ST6GALNAC6: variants seen among roughly 807,000 people sequenced by gnomAD.
ST6GALNAC6 encodes alpha-N-acetylgalactosaminide alpha-2,6-sialyltransferase 6.
ST6GALNAC6 carries 19 observed loss-of-function variants against 34.3 expected under a neutral mutation model. The ratio of observed to expected loss-of-function variants is 0.55; its 90% CI spans 0.39 to 0.81. ST6GALNAC6 has a LOEUF of 0.81. Among genes scored for constraint, ST6GALNAC6 ranks in the 40% least tolerant of loss-of-function variants. The pLI is 0.00. For synonymous variants in ST6GALNAC6, 185 were observed against 182.1 expected, an observed-to-expected ratio of 1.02 and a Z score of -0.13; for missense variants, 377 against 467.7, an observed-to-expected ratio of 0.81 and a Z score of 1.79.
exon 1 of ST6GALNAC6, chr9:127,905,251 TCA>T: frequency 1.0e-6 from 1 of 985,520 alleles, no homozygotes; most frequent in Non-Finnish European, 1.2e-6. Context: ...CAGAGAGTCT[TCA>T]GTTTCCTGAT....
intron 4 of ST6GALNAC6, among the ~76,000 whole-genome samples, chr9:127,892,116 A>G (rs1312863377): frequency 6.6e-6 from 1 of 152,166 alleles, no homozygotes; most frequent in African/African-American, 2.4e-5. Context: ...GAGCCATTGC[A>G]CTCCAGCCTG....
chr9:127,897,754 A>G lies in ST6GALNAC6; in HGVS notation c.26+202T>C. On this transcript the variant is annotated intron_variant, in intron 2 of 6. Coordinates refer to ENST00000373146, the MANE Select transcript of ST6GALNAC6 (RefSeq NM_013443.5). Reference sequence around the variant, plus strand: ...TGGCATTCAAGGCGCCCAGGGGTCCAGCCGCCTATATCTTACTACGCGTGG... The same window carrying G: ...TGGCATTCAAGGCGCCCAGGGGTCCGGCCGCCTATATCTTACTACGCGTGG... 3.8e-6 allele frequency: 5 copies of G among 1,314,016 alleles called. No homozygotes were observed. The South Asian group carries it at 7.8e-5, about 20-fold the overall frequency. The allele number at this position is 1,314,016 out of a possible 1,614,324, so 81.4% of individuals were successfully genotyped here.
At chr9:127,888,228 G>A (rs1002559173) in intron 5 of ST6GALNAC6, among the ~76,000 whole-genome samples, 1 of 152,236 alleles carries the variant, frequency 6.6e-6, no homozygotes, top group African/African-American at 2.4e-5. Context: ...ACTTAGCCAG[G>A]TGCAGTGGCT....
intron 4 of ST6GALNAC6, 105 bp from the exon 5 acceptor site, chr9:127,891,148 G>C (rs1179603941): frequency 4.4e-6 from 6 of 1,352,896 alleles, no homozygotes; most frequent in East Asian, 4.9e-5. Flanking sequence ...CCATTTTAAA[G>C]ACAGGGAAAC....
At position 127,886,505 on chromosome 9, in the gene ST6GALNAC6, A is replaced by C; in HGVS notation, c.*94T>G. The C allele has an allele frequency of 6.5e-7, 1 of 1,537,804 alleles. No homozygotes were observed. The highest frequency in any genetic ancestry group is 8.8e-7 in the Non-Finnish European group (1 of 1,142,184). On this transcript the variant is annotated 3_prime_UTR_variant, in exon 7 of 7. Transcript: ENST00000373146. ...CTGATTGGCTGGGAGACACTCCAGC[A>C]AGCCTTGATTGGCCAGAAGATGGTC...
At chr9:127,892,076 C>T (rs531352560) in intron 4 of ST6GALNAC6, among the ~76,000 whole-genome samples, 8 of 152,126 alleles carry the variant, frequency 5.3e-5, no homozygotes, top group South Asian at 2.1e-4. Flanking sequence ...GCTTGAACCC[C>T]GGAGGCAGAT....
upstream of ST6GALNAC6, among the ~76,000 whole-genome samples, chr9:127,906,564 G>A (rs529378887): frequency 2.0e-5 from 3 of 152,318 alleles, no homozygotes; most frequent in African/African-American, 7.2e-5. Context: ...TCAGCTGAGT[G>A]GCCTCAGCTC....
At chr9:127,899,468 C>A in intron 1 of ST6GALNAC6, 35 bp downstream of exon 1, 1 of 941,612 alleles carries the variant, frequency 1.1e-6, no homozygotes, top group South Asian at 4.7e-5. Flanking sequence ...TCCGCCCCCG[C>A]CCCCGCGGCC....
At chr9:127,889,496 T>G (rs563385741) in intron 5 of ST6GALNAC6, among the ~76,000 whole-genome samples, 1 of 149,554 alleles carries the variant, frequency 6.7e-6, no homozygotes, top group African/African-American at 2.5e-5. Context: ...TAGGCTGGAG[T>G]GCAATGGCAG....
chr9:127,899,655 G>A (rs1464085375), upstream of ST6GALNAC6: 19 of 983,684 alleles, frequency 1.9e-5, no homozygotes, highest in Non-Finnish European at 2.3e-5. Context: ...GCCCGGCCCA[G>A]GCCTGGGAGG....
At chr9:127,892,818 C>T (rs1830226662) in intron 4 of ST6GALNAC6, among the ~76,000 whole-genome samples, 1 of 152,138 alleles carries the variant, frequency 6.6e-6, no homozygotes, top group African/African-American at 2.4e-5. Context: ...ACCAGTGACC[C>T]ATGGCCCCCA....
Position 127,886,550 on chromosome 9 carries a change from G to A in ST6GALNAC6, c.*49C>T, listed in dbSNP as rs893039387. On this transcript the variant is annotated 3_prime_UTR_variant, in exon 7 of 7. Coordinates refer to ENST00000373146, the MANE Select transcript of ST6GALNAC6 (RefSeq NM_013443.5). ...ATGGTCCCTGGCCTAGCGGCTGGGC[G>A]GAGGCTGCTTCTCCTCTGACCCTCC... 8.7e-6 allele frequency: 14 copies of A among 1,605,442 alleles called. No individual in the cohort carries two copies. Among genetic ancestry groups the A allele is most frequent in the South Asian group, 5.5e-5 (5 of 90,372 alleles).
intron 1 of ST6GALNAC6, chr9:127,899,295 C>T (rs1178866790): frequency 1.8e-5 from 3 of 165,052 alleles, no homozygotes; most frequent in Non-Finnish European, 2.5e-5. Context: ...CGGCAAGAGG[C>T]CCAGCGGACC....
At chr9:127,899,811 AGC>A (rs1830688260), upstream of ST6GALNAC6, among the ~76,000 whole-genome samples, 1 of 152,114 alleles carries the variant, frequency 6.6e-6, no homozygotes, top group Non-Finnish European at 1.5e-5. Flanking sequence ...AAAATACAAC[AGC>A]CTTTCGGCTC....
At chr9:127,906,261 AAAAC>A (rs967713472), upstream of ST6GALNAC6, among the ~76,000 whole-genome samples, 16 of 152,110 alleles carry the variant, frequency 1.1e-4, no homozygotes, top group Non-Finnish European at 1.9e-4. Context: ...AACAAAAAAC[AAAAC>A]AAACAAACAA....
At chr9:127,905,553 G>C (rs1178725605), upstream of ST6GALNAC6, 14 of 525,920 alleles carry the variant, frequency 2.7e-5, no homozygotes, top group Non-Finnish European at 3.4e-5. Context: ...CAGAACCAGT[G>C]GACACTGGGC....
At chr9:127,896,168 A>G in intron 3 of ST6GALNAC6, 74 bp downstream of exon 3, 1 of 1,529,874 alleles carries the variant, frequency 6.5e-7, no homozygotes, top group Non-Finnish European at 9.1e-7. Context: ...GGGGTCTGAG[A>G]CAGGTCCAAA....
At chr9:127,894,486 G>A in intron 4 of ST6GALNAC6, 26 bp downstream of exon 4, 1 of 1,611,654 alleles carries the variant, frequency 6.2e-7, no homozygotes, top group Non-Finnish European at 8.5e-7. Context: ...GCAGTAGGGA[G>A]GAGCTCCCCA....
chr9:127,891,724 A>G (rs1438728634), intron 4 of ST6GALNAC6, among the ~76,000 whole-genome samples: 1 of 132,810 alleles, frequency 7.5e-6, no homozygotes, highest in African/African-American at 2.8e-5. Flanking sequence ...GAGGAGAGGG[A>G]GAAGGGGAGG....
Sources: allele counts gnomAD v4.1 joint callset (sites outside exome capture counted in the v4.1 genomes callset), GRCh38; gene constraint gnomAD v4.1.1; transcripts MANE v1.5; gene names NCBI Gene and HGNC (gene_info 2026-07-23, HGNC 2026-07-21).